Variants in CNTN5 observed in about 807,000 individuals in gnomAD.
CNTN5 encodes contactin 5, also known as contactin-5.
CNTN5 carries 77 observed loss-of-function variants against 129.1 expected under a neutral mutation model. The ratio of observed to expected loss-of-function variants is 0.60; its 90% CI spans 0.50 to 0.72. CNTN5 has a LOEUF of 0.72. CNTN5 is among the 30% of genes least tolerant of loss of function. CNTN5 has a pLI of 0.00. For missense variants in CNTN5, 1,478 were observed against 1,328.8 expected, an observed-to-expected ratio of 1.11 and a Z score of -1.75; for synonymous variants, 509 against 465.6, an observed-to-expected ratio of 1.09 and a Z score of -1.20.
At chr11:99,078,284 T>C (rs964807868) in intron 1 of CNTN5, among the ~76,000 whole-genome samples, 5 of 152,206 alleles carry the variant, frequency 3.3e-5, no homozygotes, top group African/African-American at 2.4e-5. Context: ...GTTGAATAGA[T>C]ATTTTAAATT....
chr11:100,228,032 T>A lies in CNTN5; in HGVS notation c.2005+3220T>A, dbSNP rs567712953. Reference sequence around the variant, plus strand: ...GTTAGAAGTATGTTTTCTAAAGTAATTATAAGGGTAGGAAACTAAAGAATA... The same window carrying A: ...GTTAGAAGTATGTTTTCTAAAGTAAATATAAGGGTAGGAAACTAAAGAATA... On this transcript the variant is annotated intron_variant, in intron 16 of 24. Transcript: ENST00000524871. Among the ~76,000 whole-genome samples the A allele has an allele frequency of 3.7e-4, 56 of 152,284 alleles. No individual in the cohort carries two copies. In the South Asian group the frequency reaches 8.3e-3, roughly 23 times the overall value.
intron 3 of CNTN5, among the ~76,000 whole-genome samples, chr11:99,723,597 T>C (rs1444598602): frequency 6.6e-6 from 1 of 152,202 alleles, no homozygotes; most frequent in African/African-American, 2.4e-5. Context: ...CCATCTAATA[T>C]GTTACATATT....
intron 3 of CNTN5, among the ~76,000 whole-genome samples, chr11:99,643,522 T>C (rs1951844213): frequency 6.6e-6 from 1 of 152,162 alleles, no homozygotes. Context: ...ATAGGTTTGT[T>C]GAGTATTATA....
At chr11:99,186,897 GAA>G (rs998403470) in intron 1 of CNTN5, among the ~76,000 whole-genome samples, 2 of 151,932 alleles carry the variant, frequency 1.3e-5, no homozygotes, top group African/African-American at 4.8e-5. Context: ...GCTGAGAATG[GAA>G]AAAGAGAATA....
intron 2 of CNTN5, among the ~76,000 whole-genome samples, chr11:99,533,711 A>G (rs1007077157): frequency 1.3e-5 from 2 of 152,110 alleles, no homozygotes; most frequent in African/African-American, 2.4e-5. Flanking sequence ...AAAGGTTGGA[A>G]CTCATTTAGT....
intron 1 of CNTN5, among the ~76,000 whole-genome samples, chr11:99,122,662 C>T (rs1221653979): frequency 6.6e-6 from 1 of 151,930 alleles, no homozygotes; most frequent in East Asian, 1.9e-4. Context: ...AGCATAGTAC[C>T]TGATAGGTTT....
intron 6 of CNTN5, among the ~76,000 whole-genome samples, chr11:99,897,388 G>A (rs1470874905): frequency 1.3e-5 from 2 of 152,068 alleles, no homozygotes; most frequent in African/African-American, 4.8e-5. Flanking sequence ...AATGTTAAAG[G>A]CGGCTAGAGA....
intron 6 of CNTN5, among the ~76,000 whole-genome samples, chr11:99,867,749 C>A (rs1948393587): frequency 6.6e-6 from 1 of 152,104 alleles, no homozygotes; most frequent in Admixed American, 6.6e-5. Context: ...GATTAACAGA[C>A]TTAGTTACAT....
intron 13 of CNTN5, among the ~76,000 whole-genome samples, chr11:100,110,248 C>G (rs976128639): frequency 2.0e-5 from 2 of 98,822 alleles, no homozygotes; most frequent in African/African-American, 4.9e-5. Flanking sequence ...ATAGAATTTT[C>G]TCTATAAGTT....
Position 99,200,613 on chromosome 11 carries a change from C to T in CNTN5, c.-209-124733C>T, listed in dbSNP as rs1859121619. Among the ~76,000 whole-genome samples the T allele has an allele frequency of 1.3e-5, 2 of 152,180 alleles. 1 individual carries two copies. Among genetic ancestry groups the T allele is most frequent in the South Asian group, 4.1e-4 (2 of 4,830 alleles). ...AGCTTTCTGCTGCAATGTTTCTCTT[C>T]CAATATGGAATAAAGTACTTAAAGG... is the stretch of plus-strand genomic sequence containing the variant. On this transcript the variant is annotated intron_variant, in intron 1 of 24. Coordinates refer to ENST00000524871, the MANE Select transcript of CNTN5 (RefSeq NM_014361.4).
At chr11:99,765,228 A>G (rs536010377) in intron 3 of CNTN5, among the ~76,000 whole-genome samples, 19 of 152,118 alleles carry the variant, frequency 1.2e-4, no homozygotes, top group South Asian at 2.1e-4. Context: ...AGTATATTCA[A>G]TTTTTTCTAA....
intron 13 of CNTN5, among the ~76,000 whole-genome samples, chr11:100,174,525 T>A (rs1947906989): frequency 6.6e-6 from 1 of 152,068 alleles, no homozygotes; most frequent in African/African-American, 2.4e-5. Flanking sequence ...ATGGAAAACA[T>A]TGAAATGAGA....
chr11:99,147,117 G>T (rs979118440), intron 1 of CNTN5, among the ~76,000 whole-genome samples: 2 of 152,180 alleles, frequency 1.3e-5, no homozygotes, highest in African/African-American at 4.8e-5. Context: ...CATTGTGCTT[G>T]CTTTCCAACC....
intron 7 of CNTN5, among the ~76,000 whole-genome samples, chr11:99,949,884 A>G (rs1208793275): frequency 6.6e-6 from 1 of 152,160 alleles, no homozygotes; most frequent in African/African-American, 2.4e-5. Flanking sequence ...CTTATTATAC[A>G]TATTATTTTA....
At chr11:99,977,075 T>C (rs1349550471) in intron 8 of CNTN5, among the ~76,000 whole-genome samples, 1 of 152,200 alleles carries the variant, frequency 6.6e-6, no homozygotes, top group Non-Finnish European at 1.5e-5. Flanking sequence ...CACCAGGTAT[T>C]CTAAATAATT....
At chr11:99,060,174 T>C (rs1176669920) in intron 1 of CNTN5, among the ~76,000 whole-genome samples, 1 of 152,042 alleles carries the variant, frequency 6.6e-6, no homozygotes, top group Non-Finnish European at 1.5e-5. Flanking sequence ...GTAAATAAGC[T>C]GTTGGTTAGG....
intron 3 of CNTN5, among the ~76,000 whole-genome samples, chr11:99,648,639 TA>T (rs1245185471): frequency 6.6e-6 from 1 of 151,792 alleles, no homozygotes; most frequent in Admixed American, 6.6e-5. Context: ...CTATTCACAA[TA>T]GCCAAAATAT....
At chr11:99,766,758 C>A (rs889630504) in intron 3 of CNTN5, among the ~76,000 whole-genome samples, 3 of 151,882 alleles carry the variant, frequency 2.0e-5, no homozygotes, top group Admixed American at 1.3e-4. Context: ...TCAAGTTATG[C>A]CTATTTTAAC....
intron 3 of CNTN5, among the ~76,000 whole-genome samples, chr11:99,768,460 A>T (rs1281403241): frequency 3.3e-5 from 5 of 152,122 alleles, no homozygotes; most frequent in African/African-American, 1.2e-4. Flanking sequence ...AGATGTCTTC[A>T]GTTGCCTGAC....
Sources: gnomAD v4.1 joint callset for allele counts (sites outside exome capture counted in the v4.1 genomes callset) on GRCh38, gnomAD v4.1.1 for gene constraint, MANE v1.5 for transcripts, NCBI Gene and HGNC (gene_info 2026-07-23, HGNC 2026-07-21) for gene names.